The following EPB41L3 variants were observed in gnomAD, a reference collection of about 807,000 sequenced individuals.
EPB41L3 encodes the protein erythrocyte membrane protein band 4.1 like 3, also known as band 4.1-like protein 3.
Under a neutral mutation model 127.1 loss-of-function variants are expected in EPB41L3, and 57 were observed. That is an observed-to-expected ratio of 0.45 (90% confidence interval 0.36 to 0.56). EPB41L3 has a LOEUF of 0.56. EPB41L3 is among the 20% of genes least tolerant of loss of function. The probability of loss-of-function intolerance (pLI) is 0.00; values close to 1 mark genes in which losing one functional copy is unlikely to be tolerated. For synonymous variants in EPB41L3, 572 were observed against 549.5 expected, an observed-to-expected ratio of 1.04 and a Z score of -0.57; for missense variants, 1,273 against 1,372.2, an observed-to-expected ratio of 0.93 and a Z score of 1.14.
intron 2 of EPB41L3, among the ~76,000 whole-genome samples, chr18:5,482,348 A>G (rs1355168199): frequency 6.6e-6 from 1 of 152,226 alleles, no homozygotes; most frequent in Non-Finnish European, 1.5e-5. Context: ...AACAGAGTGC[A>G]TACAAGGTAC....
At chr18:5,538,994 G>GTTTTTTTTTTTTTTTTTTTT (rs1568535153) in intron 1 of EPB41L3, among the ~76,000 whole-genome samples, 1 of 128,628 alleles carries the variant, frequency 7.8e-6, no homozygotes. Context: ...CTTTCTCCAA[G>GTTTTTTTTTTTTTTTTTTTT]ATTTTTTTTT....
intron 1 of EPB41L3, among the ~76,000 whole-genome samples, chr18:5,522,363 A>T (rs934498446): frequency 6.6e-6 from 1 of 152,108 alleles, no homozygotes; most frequent in Non-Finnish European, 1.5e-5. Flanking sequence ...ACCTCAAGTG[A>T]TCTGCCTGTC....
chr18:5,429,082 A>G (rs2078624646), intron 8 of EPB41L3, among the ~76,000 whole-genome samples: 1 of 152,214 alleles, frequency 6.6e-6, no homozygotes, highest in African/African-American at 2.4e-5. Flanking sequence ...TAAAAGTATG[A>G]ATGAATAAAA....
At position 5,423,543 on chromosome 18, in the gene EPB41L3, G is replaced by T; in HGVS notation, c.1174C>A (p.Pro392Thr). 1 of 1,611,638 alleles carries T rather than the reference G, an allele frequency of 6.2e-7. No homozygotes were observed. Among genetic ancestry groups the T allele is most frequent in the East Asian group, 2.2e-5 (1 of 44,824 alleles). The change falls in exon 11 of 23, where the codon CCA becomes ACA. Residue 392 changes from proline to threonine, a missense_variant. Around this residue, in one of 3 missense-constraint regions of EPB41L3, gnomAD observed 326 missense variants for 440.2 expected, o/e 0.74. Coordinates refer to ENST00000341928, the MANE Select transcript of EPB41L3 (RefSeq NM_012307.5). ...EHHTFFRLLLPEAPPKKFLTL... is the reference protein window; with the variant it reads ...EHHTFFRLLLTEAPPKKFLTL... The stretch of plus-strand genomic sequence containing the variant: ...AGGAATTTCTTGGGAGGTGCTTCTG[G>T]TAACAGTAGTCTAAAGAGAATAAAG...
At chr18:5,520,149 G>A (rs2092927601) in intron 1 of EPB41L3, among the ~76,000 whole-genome samples, 1 of 152,150 alleles carries the variant, frequency 6.6e-6, no homozygotes, top group Admixed American at 6.5e-5. Context: ...TCAAATCAAG[G>A]AGAAAATAAT....
At chr18:5,565,545 G>A (rs564312529) in intron 3 of EPB41L3, among the ~76,000 whole-genome samples, 55 of 151,194 alleles carry the variant, frequency 3.6e-4, no homozygotes, top group Non-Finnish European at 7.1e-4. Flanking sequence ...ATGTTGGTGT[G>A]CTGCACCCAT....
intron 1 of EPB41L3, among the ~76,000 whole-genome samples, chr18:5,622,287 G>C (rs555940255): frequency 2.6e-5 from 4 of 152,156 alleles, no homozygotes; most frequent in Non-Finnish European, 5.9e-5. Context: ...TGGTACACTT[G>C]TTTGGGCACT....
chr18:5,551,721 A>G (rs1375810516), intron 3 of EPB41L3, among the ~76,000 whole-genome samples: 2 of 152,210 alleles, frequency 1.3e-5, no homozygotes, highest in African/African-American at 4.8e-5. Context: ...CCCTATCTCA[A>G]CAAAACAAAA....
intron 3 of EPB41L3, among the ~76,000 whole-genome samples, chr18:5,469,028 A>G (rs2085563663): frequency 6.6e-6 from 1 of 152,226 alleles, no homozygotes; most frequent in Admixed American, 6.5e-5. Flanking sequence ...GTCACTCAAT[A>G]AAGCACCTCT....
At chr18:5,484,563 T>C (rs1339110948) in intron 2 of EPB41L3, among the ~76,000 whole-genome samples, 1 of 150,418 alleles carries the variant, frequency 6.6e-6, no homozygotes, top group African/African-American at 2.4e-5. Context: ...AGTTGGTTTT[T>C]TGAACAGATA....
intron 3 of EPB41L3, among the ~76,000 whole-genome samples, chr18:5,454,787 G>C (rs906703978): frequency 6.6e-6 from 1 of 152,164 alleles, no homozygotes; most frequent in African/African-American, 2.4e-5. Context: ...CTACTTCCTG[G>C]TCTTGGTAAA....
intron 10 of EPB41L3, 66 bp downstream of exon 10, chr18:5,424,196 C>T: frequency 9.1e-7 from 1 of 1,095,662 alleles, no homozygotes; most frequent in Non-Finnish European, 1.3e-6. Flanking sequence ...TTTTTATTGA[C>T]AATCTTTTTC....
At chr18:5,498,193 T>C (rs938884927) in intron 1 of EPB41L3, among the ~76,000 whole-genome samples, 3 of 152,216 alleles carry the variant, frequency 2.0e-5, no homozygotes, top group South Asian at 2.1e-4. Flanking sequence ...GTTCCCAAGA[T>C]ACAAAACTGC....
At chr18:5,411,019 T>G (rs2076130331) in intron 13 of EPB41L3, among the ~76,000 whole-genome samples, 1 of 152,248 alleles carries the variant, frequency 6.6e-6, no homozygotes, top group African/African-American at 2.4e-5. Flanking sequence ...ATTCTAGTAA[T>G]ATTTCATATT....
chr18:5,560,707 T>C (rs2094112920), intron 3 of EPB41L3, among the ~76,000 whole-genome samples: 1 of 152,060 alleles, frequency 6.6e-6, no homozygotes, highest in South Asian at 2.1e-4. Flanking sequence ...GGAAATTAAA[T>C]GGCAAGTATT....
intron 3 of EPB41L3, among the ~76,000 whole-genome samples, chr18:5,473,105 T>G (rs957041313): frequency 2.0e-5 from 3 of 152,132 alleles, no homozygotes; most frequent in Non-Finnish European, 2.9e-5. Flanking sequence ...TTATGTGTTA[T>G]GGCTGCATTT....
At chr18:5,425,938 C>T (rs2145396854) in intron 9 of EPB41L3, among the ~76,000 whole-genome samples, 2 of 152,266 alleles carry the variant, frequency 1.3e-5, no homozygotes, top group African/African-American at 4.8e-5. Flanking sequence ...CTGTTAAGTT[C>T]AACACACTTT....
intron 1 of EPB41L3, among the ~76,000 whole-genome samples, chr18:5,525,746 A>C (rs2093198284): frequency 1.3e-5 from 2 of 152,256 alleles, no homozygotes; most frequent in African/African-American, 4.8e-5. Context: ...GTTATGAAGA[A>C]AATGATATTA....
intron 14 of EPB41L3, among the ~76,000 whole-genome samples, chr18:5,408,050 A>C (rs1481513532): frequency 1.3e-5 from 2 of 152,216 alleles, no homozygotes; most frequent in Non-Finnish European, 2.9e-5. Flanking sequence ...GAAATAGTTC[A>C]GGAAGTGGGG....
Sources: gnomAD v4.1 joint callset for allele counts (sites outside exome capture counted in the v4.1 genomes callset) on GRCh38, gnomAD v4.1.1 for gene constraint, gnomAD v4.1.1 regional missense constraint, MANE v1.5 for transcripts, NCBI Gene and HGNC (gene_info 2026-07-23, HGNC 2026-07-21) for gene names.